COL5A2: variants seen among roughly 807,000 people sequenced by gnomAD.
The protein encoded by COL5A2 is collagen type V alpha 2 chain.
COL5A2 carries 23 observed loss-of-function variants against 208.2 expected under a neutral mutation model. The observed-to-expected ratio is 0.11, with a 90% CI of 0.08 to 0.16. The LOEUF (loss-of-function observed/expected upper bound fraction) is 0.16. COL5A2 is among the 10% of genes least tolerant of loss of function. COL5A2 has a pLI of 1.00. For synonymous variants in COL5A2, 625 were observed against 628.5 expected, an observed-to-expected ratio of 0.99 and a Z score of 0.08; for missense variants, 1,590 against 1,956.4, an observed-to-expected ratio of 0.81 and a Z score of 3.53.
chr2:189,180,075 C>T (rs1688754813), upstream of COL5A2, among the ~76,000 whole-genome samples: 1 of 152,088 alleles, frequency 6.6e-6, no homozygotes, highest in South Asian at 2.1e-4. Context: ...CCCAGACACA[C>T]ACCCTTTAAC....
the COL5A2 span, among the ~76,000 whole-genome samples, chr2:189,370,866 TA>T: frequency 8.6e-5 from 13 of 151,878 alleles, no homozygotes; most frequent in African/African-American, 2.9e-4. Flanking sequence ...TAGTATGTGC[TA>T]AAAAAAAGGC....
chr2:189,402,637 T>A, the COL5A2 span, among the ~76,000 whole-genome samples: 1 of 152,214 alleles, frequency 6.6e-6, no homozygotes, highest in Admixed American at 6.5e-5. Flanking sequence ...CCCAGCACCA[T>A]TTATTAAATA....
the COL5A2 span, among the ~76,000 whole-genome samples, chr2:189,420,575 G>A: frequency 1.3e-5 from 2 of 151,758 alleles, no homozygotes; most frequent in Non-Finnish European, 1.5e-5. Flanking sequence ...ATTTATATAT[G>A]TATAAATTAG....
At chr2:189,154,947 A>C (rs1172204667) in intron 1 of COL5A2, among the ~76,000 whole-genome samples, 1 of 152,132 alleles carries the variant, frequency 6.6e-6, no homozygotes, top group Non-Finnish European at 1.5e-5. Context: ...GAAATAAAAT[A>C]ATAATAAGGT....
At chr2:189,136,937 C>T (rs997666367) in intron 1 of COL5A2, among the ~76,000 whole-genome samples, 8 of 151,996 alleles carry the variant, frequency 5.3e-5, no homozygotes, top group African/African-American at 1.9e-4. Context: ...CTGCTGATGG[C>T]CCAAACTTTT....
intron 1 of COL5A2, among the ~76,000 whole-genome samples, chr2:189,128,246 A>T (rs1687646068): frequency 6.6e-6 from 1 of 151,980 alleles, no homozygotes. Flanking sequence ...TAACCCATAC[A>T]TACCTTGCTA....
chr2:189,311,710 C>A, the COL5A2 span: 1 of 755,514 alleles, frequency 1.3e-6, no homozygotes, highest in Non-Finnish European at 2.4e-6. Flanking sequence ...GCATGGTGAC[C>A]ACTGTGGTCT....
chr2:189,374,587 TG>T, the COL5A2 span, among the ~76,000 whole-genome samples: 1 of 152,186 alleles, frequency 6.6e-6, no homozygotes, highest in Non-Finnish European at 1.5e-5. Context: ...GTATTATATA[TG>T]GGGCACAAAA....
At chr2:189,319,920 G>C in the COL5A2 span, among the ~76,000 whole-genome samples, 1 of 152,324 alleles carries the variant, frequency 6.6e-6, no homozygotes, top group African/African-American at 2.4e-5. Context: ...CCCCCCAGTA[G>C]GGGCAGACTG....
intron 33 of COL5A2, among the ~76,000 whole-genome samples, chr2:189,058,182 A>G (rs1685942358): frequency 6.6e-6 from 1 of 152,190 alleles, no homozygotes; most frequent in Non-Finnish European, 1.5e-5. Flanking sequence ...ATGTGTTTGT[A>G]TATGGAAGTC....
chr2:189,117,611 T>A (rs1199710553), intron 1 of COL5A2, among the ~76,000 whole-genome samples: 5 of 152,032 alleles, frequency 3.3e-5, no homozygotes, highest in Non-Finnish European at 5.9e-5. Flanking sequence ...ACATTCCAGA[T>A]TTCCTTCATC....
the COL5A2 span, among the ~76,000 whole-genome samples, chr2:189,238,971 T>C: frequency 6.6e-6 from 1 of 152,188 alleles, no homozygotes; most frequent in Non-Finnish European, 1.5e-5. Flanking sequence ...TATTATACTC[T>C]GTTTAAAATA....
At chr2:189,202,113 T>A (rs1689086807) in intron 1 of COL5A2, among the ~76,000 whole-genome samples, 1 of 151,864 alleles carries the variant, frequency 6.6e-6, no homozygotes, top group African/African-American at 2.4e-5. Flanking sequence ...AATTTTAATA[T>A]GTGTGTTAAA....
chr2:189,282,588 AG>A, the COL5A2 span, among the ~76,000 whole-genome samples: 1 of 152,240 alleles, frequency 6.6e-6, no homozygotes, highest in Non-Finnish European at 1.5e-5. Context: ...AGGCTAACAG[AG>A]GACACACTAA....
intron 29 of COL5A2, among the ~76,000 whole-genome samples, chr2:189,062,178 T>C (rs1686047018): frequency 9.9e-6 from 1 of 101,208 alleles, no homozygotes; most frequent in Non-Finnish European, 1.9e-5. Flanking sequence ...AAAAATACCT[T>C]AAATAATTTT....
At chr2:189,091,984 G>C (rs975352776) in intron 7 of COL5A2, among the ~76,000 whole-genome samples, 2 of 152,076 alleles carry the variant, frequency 1.3e-5, no homozygotes, top group African/African-American at 4.8e-5. Context: ...CTAGAGAATA[G>C]GACAGATAAA....
chr2:189,329,694 C>T, the COL5A2 span, among the ~76,000 whole-genome samples: 2 of 152,046 alleles, frequency 1.3e-5, no homozygotes, highest in Admixed American at 6.6e-5. Flanking sequence ...ACCTCTTAAG[C>T]TCTCAAAACC....
chr2:189,395,690 G>T, the COL5A2 span, among the ~76,000 whole-genome samples: 1 of 151,680 alleles, frequency 6.6e-6, no homozygotes, highest in African/African-American at 2.4e-5. Flanking sequence ...GGTCACTTGA[G>T]GTCAGGAGTT....
the COL5A2 span, among the ~76,000 whole-genome samples, chr2:189,413,371 T>C: frequency 6.6e-6 from 1 of 152,142 alleles, no homozygotes; most frequent in African/African-American, 2.4e-5. Context: ...TAATTTATGG[T>C]TACAAGAGCC....
Sources: gnomAD v4.1 joint callset for allele counts (sites outside exome capture counted in the v4.1 genomes callset) on GRCh38, gnomAD v4.1.1 for gene constraint, MANE v1.5 for transcripts, NCBI Gene and HGNC (gene_info 2026-07-23, HGNC 2026-07-21) for gene names.